HUNK: variants seen among roughly 807,000 people sequenced by gnomAD.
The protein encoded by HUNK is hormonally up-regulated neu tumor-associated kinase.
In HUNK, 21 loss-of-function variants were observed where a neutral mutation model predicts 61.0. That is an observed-to-expected ratio of 0.34 (90% CI 0.24 to 0.50). The LOEUF (loss-of-function observed/expected upper bound fraction) is 0.50. Among genes scored for constraint, HUNK ranks in the 20% least tolerant of loss-of-function variants. The pLI, the probability that HUNK is intolerant of heterozygous loss-of-function variation, is 0.98. For synonymous variants in HUNK, 371 were observed against 386.1 expected (o/e 0.96, Z 0.46); for missense variants, 772 against 945.7 (o/e 0.82, Z 2.41).
At chr21:31,927,960 A>T (rs2052672362) in intron 2 of HUNK, among the ~76,000 whole-genome samples, 1 of 152,242 alleles carries the variant, frequency 6.6e-6, no homozygotes, top group South Asian at 2.1e-4. Flanking sequence ...TTGGGCTTAG[A>T]TTAGCAAGGA....
In HUNK at chr21:31,968,375, T is replaced by C; in HGVS notation, c.1000T>C (p.Tyr334His). Reference protein sequence around the residue: ...YTGKVPCNVTYPNRISLEDLS... With the variant: ...YTGKVPCNVTHPNRISLEDLS... ...GGGCAAAGTGCCCTGTAATGTCACC[T>C]ATCCCAACAGGTAATTTCGTGCACC... is the stretch of plus-strand genomic sequence containing the variant. The change falls in exon 6 of 11, where the codon TAT becomes CAT. Residue 334 changes from tyrosine to histidine, a missense_variant. This residue lies in a region of HUNK where 359 missense variants were observed against 501.3 expected (regional missense o/e 0.72). Coordinates refer to ENST00000270112, the MANE Select transcript of HUNK (RefSeq NM_014586.2). 6.2e-7 allele frequency: 1 copy of C among 1,614,216 alleles called. No homozygotes were observed. Among genetic ancestry groups the C allele is most frequent in the Non-Finnish European group, 8.5e-7 (1 of 1,180,028 alleles).
At chr21:31,973,581 G>A (rs112011776) in intron 6 of HUNK, among the ~76,000 whole-genome samples, 3 of 150,312 alleles carry the variant, frequency 2.0e-5, no homozygotes, top group African/African-American at 7.3e-5. Flanking sequence ...GATGGTGGTG[G>A]TGATGATGAT....
intron 1 of HUNK, among the ~76,000 whole-genome samples, chr21:31,914,921 A>G (rs968084552): frequency 1.3e-5 from 2 of 152,178 alleles, no homozygotes; most frequent in African/African-American, 4.8e-5. Context: ...TGCAGATGGC[A>G]ATCTTGAACC....
At chr21:31,988,673 C>CTCTT (rs56277632) in intron 8 of HUNK, among the ~76,000 whole-genome samples, 63,068 of 150,540 alleles carry the variant, frequency 0.42, 13,602 homozygotes, top group South Asian at 0.45. Flanking sequence ...TTCTTTCTTT[C>CTCTT]TCTTTCTTTT....
At chr21:31,996,010 C>T (rs1260633729) in intron 10 of HUNK, 62 bp downstream of exon 10, 1 of 1,257,416 alleles carries the variant, frequency 8.0e-7, no homozygotes, top group African/African-American at 1.5e-5. Context: ...CGCTGTGTAG[C>T]CCTCACAGGG....
At position 32,000,224 on chromosome 21, in the gene HUNK, A is replaced by G; in HGVS notation, c.*1040A>G. 1 of 399,144 alleles carries G rather than the reference A, an allele frequency of 2.5e-6. No individual in the cohort carries two copies. The highest frequency in any genetic ancestry group is 4.4e-6 in the Non-Finnish European group (1 of 226,102). The allele number at this position is 399,144 out of a possible 1,614,324, so 24.7% of individuals were successfully genotyped here. A position where few individuals can be genotyped will look rare whatever the true frequency, so the allele number is the denominator to read the frequency against. On this transcript the variant is annotated 3_prime_UTR_variant, in exon 11 of 11. Coordinates refer to ENST00000270112, the MANE Select transcript of HUNK (RefSeq NM_014586.2). ...TTATCTCTGTGCGATGCTGATTTCA[A>G]GCTGCCCACAGAACTGGTGCGGCTC...
chr21:31,995,480 G>A (rs2053198241), intron 9 of HUNK, among the ~76,000 whole-genome samples: 1 of 152,190 alleles, frequency 6.6e-6, no homozygotes, highest in Non-Finnish European at 1.5e-5. Context: ...GCTTGTTCCA[G>A]AAGAATTGAC....
intron 7 of HUNK, among the ~76,000 whole-genome samples, 172 bp downstream of exon 7, chr21:31,974,889 G>A (rs886932795): frequency 6.6e-6 from 1 of 152,150 alleles, no homozygotes; most frequent in Non-Finnish European, 1.5e-5. Context: ...TTCTCAGGGA[G>A]TGCCTTTTAT....
chr21:31,877,324 C>T (rs1487478852), intron 1 of HUNK, among the ~76,000 whole-genome samples: 1 of 152,160 alleles, frequency 6.6e-6, no homozygotes, highest in African/African-American at 2.4e-5. Context: ...GAATCACTGT[C>T]TGAGTCCAGA....
At chr21:31,961,710 G>A (rs1242216332) in intron 5 of HUNK, among the ~76,000 whole-genome samples, 1 of 152,188 alleles carries the variant, frequency 6.6e-6, no homozygotes, top group African/African-American at 2.4e-5. Context: ...CTCTCAGAGT[G>A]ATTCCAAAGT....
chr21:31,973,589 G>T (rs1209829312), intron 6 of HUNK, among the ~76,000 whole-genome samples: 1 of 151,842 alleles, frequency 6.6e-6, no homozygotes, highest in African/African-American at 2.4e-5. Context: ...TGGTGATGAT[G>T]ATGATGATGA....
chr21:31,938,283 C>G (rs185629022), intron 2 of HUNK, among the ~76,000 whole-genome samples: 4 of 152,196 alleles, frequency 2.6e-5, no homozygotes, highest in Non-Finnish European at 5.9e-5. Flanking sequence ...TCTCTGCCCT[C>G]ACCTTCACAA....
intron 3 of HUNK, among the ~76,000 whole-genome samples, chr21:31,945,666 C>A (rs567282855): frequency 6.6e-6 from 1 of 152,144 alleles, no homozygotes; most frequent in Non-Finnish European, 1.5e-5. Context: ...TAACTCAAAT[C>A]CCCTCTGCTT....
chr21:31,995,619 C>A, intron 9 of HUNK, 149 bp from the exon 10 acceptor site: 1 of 695,096 alleles, frequency 1.4e-6, no homozygotes. Flanking sequence ...GGCTGGGCCA[C>A]AGCTCCTCCC....
At chr21:31,968,198 T>C in intron 5 of HUNK, 52 bp from the exon 6 acceptor site, 5 of 1,609,682 alleles carry the variant, frequency 3.1e-6, no homozygotes, top group Non-Finnish European at 4.2e-6. Context: ...CTTTCACTGG[T>C]GTCTGCGTTC....
At chr21:31,941,096 T>C (rs1210878879) in intron 3 of HUNK, among the ~76,000 whole-genome samples, 3 of 152,186 alleles carry the variant, frequency 2.0e-5, no homozygotes, top group African/African-American at 7.2e-5. Context: ...ATTAGATATT[T>C]TGGGATTACA....
intron 1 of HUNK, among the ~76,000 whole-genome samples, chr21:31,915,614 C>G (rs1173287269): frequency 6.6e-6 from 1 of 152,012 alleles, no homozygotes; most frequent in African/African-American, 2.4e-5. Flanking sequence ...TCTGACTTCT[C>G]ATTTTGGAGA....
chr21:31,963,761 C>T (rs60739212), intron 5 of HUNK, among the ~76,000 whole-genome samples: 5,828 of 152,116 alleles, frequency 0.038, 404 homozygotes, highest in African/African-American at 0.13. Flanking sequence ...CCTCCTGCGT[C>T]GGACTCTCAA....
At chr21:31,986,917 T>C (rs1236415715) in intron 8 of HUNK, among the ~76,000 whole-genome samples, 1 of 152,206 alleles carries the variant, frequency 6.6e-6, no homozygotes, top group East Asian at 1.9e-4. Flanking sequence ...CATTTGCAGC[T>C]GTTTATTTGT....
Sources: allele counts gnomAD v4.1 joint callset (sites outside exome capture counted in the v4.1 genomes callset), GRCh38; gene constraint gnomAD v4.1.1; regional missense constraint gnomAD v4.1.1; transcripts MANE v1.5; gene names NCBI Gene and HGNC (gene_info 2026-07-23, HGNC 2026-07-21).